SCG3: variants seen among roughly 807,000 people sequenced by gnomAD.
SCG3 encodes the protein secretogranin-3.
Under a neutral mutation model 56.2 loss-of-function variants are expected in SCG3, and 38 were observed. That is an observed-to-expected ratio of 0.68 (90% CI 0.52 to 0.89). SCG3 has a LOEUF of 0.89. Ranked by LOEUF, SCG3 falls within the 40% of genes least tolerant of loss-of-function variation. The probability of loss-of-function intolerance (pLI) is 0.00; values close to 1 mark genes in which losing one functional copy is unlikely to be tolerated. For synonymous variants in SCG3, 176 were observed against 184.2 expected, an observed-to-expected ratio of 0.96 and a Z score of 0.36; for missense variants, 524 against 540.7, an observed-to-expected ratio of 0.97 and a Z score of 0.31.
chr15:51,719,333 C>T (rs1370899002), intron 11 of SCG3, 75 bp from the exon 12 acceptor site: 2 of 957,374 alleles, frequency 2.1e-6, no homozygotes, highest in Non-Finnish European at 3.3e-6. Flanking sequence ...AAATGCTTCT[C>T]AGTTAATGGT....
At position 51,689,379 on chromosome 15, in the gene SCG3, G is replaced by A; in HGVS notation, c.690+11G>A. 2 of 1,601,874 alleles carry A rather than the reference G, an allele frequency of 1.2e-6. No homozygotes were observed. Among genetic ancestry groups the A allele is most frequent in the Non-Finnish European group, 8.5e-7 (1 of 1,172,708 alleles). On this transcript the variant is annotated intron_variant, in intron 6 of 11. Coordinates refer to ENST00000220478, the MANE Select transcript of SCG3 (RefSeq NM_013243.4). ...ATACCAGAGAAAGTGGTATGTATGT[G>A]TATATATGCATATGCATGGGGGTGT...
At chr15:51,685,632 T>C (rs2055223898) in intron 4 of SCG3, among the ~76,000 whole-genome samples, 1 of 152,196 alleles carries the variant, frequency 6.6e-6, no homozygotes, top group African/African-American at 2.4e-5. Context: ...TTTTGGCCAC[T>C]AAGTTGAATA....
intron 7 of SCG3, among the ~76,000 whole-genome samples, chr15:51,692,570 G>A (rs760040903): frequency 2.0e-5 from 3 of 152,068 alleles, no homozygotes; most frequent in Non-Finnish European, 4.4e-5. Flanking sequence ...TTAACAGAAG[G>A]TTCATTTATT....
At chr15:51,689,977 A>G (rs2055256462) in intron 6 of SCG3, among the ~76,000 whole-genome samples, 1 of 152,334 alleles carries the variant, frequency 6.6e-6, no homozygotes, top group East Asian at 1.9e-4. Flanking sequence ...AATATCACAT[A>G]ATAACATCTG....
chr15:51,700,277 CACTA>C (rs1251048920), intron 9 of SCG3, among the ~76,000 whole-genome samples: 1 of 152,190 alleles, frequency 6.6e-6, no homozygotes, highest in Admixed American at 6.5e-5. Flanking sequence ...TTATATCAGA[CACTA>C]ACTGATTTCT....
intron 1 of SCG3, 52 bp downstream of exon 1, chr15:51,681,889 G>C (rs1265702125): frequency 6.8e-7 from 1 of 1,470,664 alleles, no homozygotes; most frequent in South Asian, 1.2e-5. Flanking sequence ...GCCACGAAAA[G>C]GTAAAGTTTG....
Position 51,695,897 on chromosome 15 carries a change from A to G in SCG3, c.891A>G (p.Glu297=). The G allele has an allele frequency of 6.2e-7, 1 of 1,604,420 alleles. No individual in the cohort carries two copies. The highest frequency in any genetic ancestry group is 8.5e-7 in the Non-Finnish European group (1 of 1,172,514). The change falls in exon 8 of 12, where the codon GAA becomes GAG. Residue 297 remains glutamate, a synonymous_variant. Coordinates refer to ENST00000220478, the MANE Select transcript of SCG3 (RefSeq NM_013243.4). Reference sequence around the variant, plus strand: ...TAGAAAAAGAAGCAAAAGAGAAAGAAACACTGATTACTATCATGAAAACAC... The same window carrying G: ...TAGAAAAAGAAGCAAAAGAGAAAGAGACACTGATTACTATCATGAAAACAC... ...IDSEKEAKEK[E]TLITIMKTLI...
intron 8 of SCG3, among the ~76,000 whole-genome samples, chr15:51,697,885 G>A (rs2055314132): frequency 6.6e-6 from 1 of 152,114 alleles, no homozygotes; most frequent in South Asian, 2.1e-4. Flanking sequence ...GAATTTTTCT[G>A]TATAAGCACA....
chr15:51,712,468 T>C (rs2055426510), intron 10 of SCG3, among the ~76,000 whole-genome samples: 1 of 152,202 alleles, frequency 6.6e-6, no homozygotes, highest in Non-Finnish European at 1.5e-5. Context: ...AAAGCAACAT[T>C]ACTGTCCATG....
chr15:51,709,703 T>A (rs867534334), intron 10 of SCG3, among the ~76,000 whole-genome samples: 120 of 11,964 alleles, frequency 0.01, no homozygotes, highest in East Asian at 0.024. Context: ...ATATATATAT[T>A]TTTTTTTTTT....
At chr15:51,704,764 C>CACATAT (rs1555457998) in intron 10 of SCG3, among the ~76,000 whole-genome samples, 1 of 67,010 alleles carries the variant, frequency 1.5e-5, no homozygotes, top group African/African-American at 4.3e-5. Flanking sequence ...GTGAGTAATA[C>CACATAT]ATATATATAT....
chr15:51,705,281 C>T (rs947466945), intron 10 of SCG3, among the ~76,000 whole-genome samples: 2 of 152,142 alleles, frequency 1.3e-5, no homozygotes, highest in African/African-American at 2.4e-5. Flanking sequence ...CACCTTCTAT[C>T]GCTGTGCACA....
intron 9 of SCG3, among the ~76,000 whole-genome samples, chr15:51,700,461 C>T (rs2055331797): frequency 6.6e-6 from 1 of 152,140 alleles, no homozygotes; most frequent in Admixed American, 6.5e-5. Context: ...AGGATTACTA[C>T]ATGGAAATAT....
At chr15:51,713,553 A>G in intron 11 of SCG3, 140 bp downstream of exon 11, 1 of 529,168 alleles carries the variant, frequency 1.9e-6, no homozygotes, top group South Asian at 2.4e-5. Flanking sequence ...CCTGTCAGAT[A>G]CAGAGGGGAA....
chr15:51,713,544 C>G, intron 11 of SCG3, 131 bp downstream of exon 11: 1 of 548,958 alleles, frequency 1.8e-6, no homozygotes, highest in East Asian at 3.4e-5. Flanking sequence ...CTGAAGTCAC[C>G]TGTCAGATAC....
chr15:51,692,212 A>G lies in SCG3; in HGVS notation c.744A>G (p.Thr248=). The G allele has an allele frequency of 6.2e-7, 1 of 1,613,926 alleles. No individual in the cohort carries two copies. The highest frequency in any genetic ancestry group is 8.5e-7 in the Non-Finnish European group (1 of 1,179,860). ...TTGCTAAGGGAGAAAACGATGAAACAGTATCTAACACATTAACCTTGACAA... is the reference window on the plus strand; with the variant it reads ...TTGCTAAGGGAGAAAACGATGAAACGGTATCTAACACATTAACCTTGACAA... ...DGLAKGENDE[T]VSNTLTLTNG... The change falls in exon 7 of 12, where the codon ACA becomes ACG. Residue 248 remains threonine (T), a synonymous_variant. Coordinates refer to ENST00000220478, the MANE Select transcript of SCG3 (RefSeq NM_013243.4).
Position 51,690,663 on chromosome 15 carries a change from AC to A in SCG3, c.690+1298del, listed in dbSNP as rs1249605539. ...AGTTCTAGATTTATCAAAAAAAAAA[AC>A]CCTTATGACTTTTGCTCAAGCTTAC... On this transcript the variant is annotated intron_variant, in intron 6 of 11. Transcript: ENST00000220478. 5.0e-5 allele frequency among the ~76,000 whole-genome samples: 7 copies of A among 139,546 alleles called. No individual in the cohort carries two copies. In the East Asian group the frequency reaches 1.5e-3, roughly 30 times the overall value. 91.5% of individuals were successfully genotyped at this position (139,546 alleles called of 152,430 possible). A position where few individuals can be genotyped will look rare whatever the true frequency, so the allele number is the denominator to read the frequency against.
At chr15:51,687,436 T>G (rs1390833523) in intron 4 of SCG3, among the ~76,000 whole-genome samples, 1 of 152,224 alleles carries the variant, frequency 6.6e-6, no homozygotes, top group African/African-American at 2.4e-5. Context: ...TCCATGGATG[T>G]GCTACAATGC....
At chr15:51,699,673 G>T (rs571569805) in intron 9 of SCG3, among the ~76,000 whole-genome samples, 7 of 152,156 alleles carry the variant, frequency 4.6e-5, no homozygotes, top group African/African-American at 1.7e-4. Context: ...AAAGGAAAAG[G>T]CTACATCACA....
Sources: allele counts gnomAD v4.1 joint callset (sites outside exome capture counted in the v4.1 genomes callset), GRCh38; gene constraint gnomAD v4.1.1; transcripts MANE v1.5; gene names NCBI Gene and HGNC (gene_info 2026-07-23, HGNC 2026-07-21).